COMMD1: variants seen among roughly 807,000 people sequenced by gnomAD.
The protein encoded by COMMD1 is copper metabolism domain containing 1, also known as COMM domain-containing protein 1.
A neutral mutation model predicts 17.2 loss-of-function variants in COMMD1; 10 were observed. The observed-to-expected ratio is 0.58, with a 90% CI of 0.36 to 0.99. The LOEUF (loss-of-function observed/expected upper bound fraction) is 0.99. COMMD1 is among the 50% of genes least tolerant of loss of function. The pLI is 0.01. For synonymous variants in COMMD1, 97 were observed against 91.6 expected, an observed-to-expected ratio of 1.06 and a Z score of -0.34; for missense variants, 270 against 231.8, an observed-to-expected ratio of 1.17 and a Z score of -1.07.
chr2:62,125,769 T>A (rs937080494), intron 2 of COMMD1, among the ~76,000 whole-genome samples: 10 of 152,188 alleles, frequency 6.6e-5, no homozygotes, highest in Non-Finnish European at 1.2e-4. Context: ...CTCTTTTTTT[T>A]AATTTTTATT....
intron 2 of COMMD1, among the ~76,000 whole-genome samples, chr2:62,122,942 G>A (rs1298254610): frequency 6.6e-6 from 1 of 152,224 alleles, no homozygotes; most frequent in African/African-American, 2.4e-5. Flanking sequence ...AGCAGTAGGA[G>A]GGTATGTGTG....
chr2:61,954,401 T>G (rs898445837), intron 1 of COMMD1, among the ~76,000 whole-genome samples: 2 of 152,176 alleles, frequency 1.3e-5, no homozygotes, highest in Non-Finnish European at 2.9e-5. Context: ...CATTTTGCAT[T>G]TTTCCCTCCC....
intron 1 of COMMD1, among the ~76,000 whole-genome samples, chr2:61,996,606 C>G (rs1419461712): frequency 6.6e-6 from 1 of 152,122 alleles, no homozygotes; most frequent in Non-Finnish European, 1.5e-5. Flanking sequence ...GCTTTATCAA[C>G]TAAGTTTCTG....
At chr2:61,892,728 G>T (rs1268605349) in intron 1 of COMMD1, among the ~76,000 whole-genome samples, 1 of 151,262 alleles carries the variant, frequency 6.6e-6, no homozygotes. Context: ...AGAAGAGAGG[G>T]CTGTATGTAT....
At chr2:62,056,445 G>A (rs1305363398) in intron 2 of COMMD1, among the ~76,000 whole-genome samples, 1 of 152,196 alleles carries the variant, frequency 6.6e-6, no homozygotes, top group Non-Finnish European at 1.5e-5. Context: ...GCACATTTCA[G>A]TGACACAGAA....
rs568070169 is a variant in COMMD1 at position 61,975,240 on chromosome 2, C to T, written c.181-25461C>T. Among the ~76,000 whole-genome samples the T allele has an allele frequency of 3.0e-3, 448 of 150,548 alleles. 1 individual carries two copies. The highest frequency in any genetic ancestry group is 0.01 in the African/African-American group (423 of 40,982). On this transcript the variant is annotated intron_variant, in intron 1 of 2. Coordinates refer to ENST00000311832, the MANE Select transcript of COMMD1 (RefSeq NM_152516.4). ...AATATTTCTTTGTCTAGATATACTCCGGTTTTATTTATCTGTTCACCTACT... is the reference window on the plus strand; with the variant it reads ...AATATTTCTTTGTCTAGATATACTCTGGTTTTATTTATCTGTTCACCTACT...
In COMMD1 at chr2:61,920,967, A is replaced by ATG. The variant is rs1394369701; in HGVS notation, c.180+15110_180+15111insGT. ...TGTTTGTGTATATATATATGTGTGT[A>ATG]TATATATATATATATTTTTTTTTTT... On this transcript the variant is annotated intron_variant, in intron 1 of 2. Coordinates refer to ENST00000311832, the MANE Select transcript of COMMD1 (RefSeq NM_152516.4). Among the ~76,000 whole-genome samples, 6 of 136,566 alleles carry ATG rather than the reference A, an allele frequency of 4.4e-5. No individual in the cohort carries two copies. In the South Asian group the frequency reaches 9.0e-4, roughly 20 times the overall value. 89.6% of individuals were successfully genotyped at this position (136,566 alleles called of 152,430 possible).
intron 2 of COMMD1, among the ~76,000 whole-genome samples, chr2:62,130,917 C>G (rs1673012695): frequency 6.6e-6 from 1 of 152,188 alleles, no homozygotes; most frequent in Non-Finnish European, 1.5e-5. Flanking sequence ...GCTCTCTAAC[C>G]TTGCTAGGAA....
intron 1 of COMMD1, among the ~76,000 whole-genome samples, chr2:61,988,972 C>G (rs183316620): frequency 6.6e-5 from 10 of 152,302 alleles, no homozygotes; most frequent in Admixed American, 3.9e-4. Flanking sequence ...CTCCCTCTCC[C>G]AAACACACAG....
chr2:62,110,345 C>T (rs1211798885), intron 2 of COMMD1, among the ~76,000 whole-genome samples: 4 of 152,142 alleles, frequency 2.6e-5, no homozygotes, highest in African/African-American at 9.7e-5. Flanking sequence ...GTTGGGATTA[C>T]AGGCATGAGC....
At chr2:62,036,494 T>C (rs1004790831) in intron 2 of COMMD1, among the ~76,000 whole-genome samples, 2 of 152,216 alleles carry the variant, frequency 1.3e-5, no homozygotes, top group African/African-American at 4.8e-5. Context: ...TTTAAATTAT[T>C]GTGTATTACA....
intron 1 of COMMD1, among the ~76,000 whole-genome samples, chr2:61,930,146 G>A (rs1487492431): frequency 6.6e-6 from 1 of 152,148 alleles, no homozygotes; most frequent in East Asian, 1.9e-4. Flanking sequence ...CTGACTGCCA[G>A]GACAGTCAGT....
At chr2:62,092,111 G>A (rs529548279) in intron 2 of COMMD1, among the ~76,000 whole-genome samples, 1 of 152,284 alleles carries the variant, frequency 6.6e-6, no homozygotes, top group African/African-American at 2.4e-5. Context: ...GGAGTGTGGG[G>A]TAGGCAGACA....
chr2:62,083,368 CCA>C (rs2103983202), intron 2 of COMMD1, among the ~76,000 whole-genome samples: 1 of 152,284 alleles, frequency 6.6e-6, no homozygotes, highest in East Asian at 1.9e-4. Context: ...CTGAAAGCAG[CCA>C]CAGATTACGT....
intron 2 of COMMD1, chr2:62,055,427 A>G (rs915579584): frequency 2.2e-6 from 1 of 456,072 alleles, no homozygotes; most frequent in East Asian, 6.9e-5. Context: ...CAAGAGTTCT[A>G]CTTAAATTAC....
At chr2:61,973,711 ATC>A (rs1441738679) in intron 1 of COMMD1, among the ~76,000 whole-genome samples, 1 of 152,056 alleles carries the variant, frequency 6.6e-6, no homozygotes, top group African/African-American at 2.4e-5. Context: ...GCTTTTCAAA[ATC>A]TCAGTCTTTG....
At chr2:61,931,762 A>T (rs1038550627) in intron 1 of COMMD1, among the ~76,000 whole-genome samples, 1 of 152,210 alleles carries the variant, frequency 6.6e-6, no homozygotes, top group Non-Finnish European at 1.5e-5. Flanking sequence ...TCATTTTGAG[A>T]CATTAGAATC....
rs143245884 is a variant in COMMD1 at position 61,988,005 on chromosome 2, T to G, written c.181-12696T>G. 2.6e-3 allele frequency among the ~76,000 whole-genome samples: 389 copies of G among 152,268 alleles called. 1 individual carries two copies. Among genetic ancestry groups the G allele is most frequent in the African/African-American group, 8.9e-3 (368 of 41,550 alleles). ...CAATGTTCACTTAAGTCCTAAGGGC[T>G]TTTCAGTCAGCTTGTGGTGAATGCT... On this transcript the variant is annotated intron_variant, in intron 1 of 2. Transcript: ENST00000311832.
chr2:61,965,457 A>C (rs190588877), intron 1 of COMMD1, among the ~76,000 whole-genome samples: 1 of 152,196 alleles, frequency 6.6e-6, no homozygotes, highest in African/African-American at 2.4e-5. Context: ...CAAAAGAGAA[A>C]GTCGTAGATG....
Sources: allele counts gnomAD v4.1 joint callset (sites outside exome capture counted in the v4.1 genomes callset), GRCh38; gene constraint gnomAD v4.1.1; transcripts MANE v1.5; gene names NCBI Gene and HGNC (gene_info 2026-07-23, HGNC 2026-07-21).